Variants in NDST4 observed in about 807,000 individuals in gnomAD.
NDST4 encodes the protein N-heparan sulfate sulfotransferase 4.
NDST4 carries 63 observed loss-of-function variants against 100.8 expected under a neutral mutation model. The observed-to-expected ratio is 0.62, with a 90% CI of 0.51 to 0.77. The LOEUF is 0.77. NDST4 is among the 30% of genes least tolerant of loss of function. The pLI is 0.00. For missense variants in NDST4, 943 were observed against 1,018.4 expected, an observed-to-expected ratio of 0.93 and a Z score of 1.01; for synonymous variants, 377 against 361.8, an observed-to-expected ratio of 1.04 and a Z score of -0.48.
intron 2 of NDST4, among the ~76,000 whole-genome samples, chr4:114,984,261 C>T (rs192287255): frequency 2.3e-3 from 356 of 152,130 alleles, no homozygotes; most frequent in Admixed American, 3.5e-3. Flanking sequence ...TCACTGCAAC[C>T]TCCACCTCCC....
intron 2 of NDST4, among the ~76,000 whole-genome samples, chr4:115,019,263 T>G (rs1727755580): frequency 6.6e-6 from 1 of 152,082 alleles, no homozygotes; most frequent in Admixed American, 6.6e-5. Context: ...CAAAATATAC[T>G]ATTATAAAAA....
At chr4:115,082,381 G>A (rs535715299) in intron 1 of NDST4, among the ~76,000 whole-genome samples, 131 of 152,184 alleles carry the variant, frequency 8.6e-4, no homozygotes, top group African/African-American at 3.0e-3. Context: ...GTAATCTCTG[G>A]TAGCAGCAGA....
chr4:114,837,083 T>A (rs902193213), intron 11 of NDST4, among the ~76,000 whole-genome samples: 2 of 151,978 alleles, frequency 1.3e-5, no homozygotes, highest in Non-Finnish European at 2.9e-5. Context: ...CTCAGAGGAG[T>A]TTGTTATTAT....
intron 2 of NDST4, among the ~76,000 whole-genome samples, chr4:115,052,983 T>C (rs1252014864): frequency 6.6e-6 from 1 of 152,148 alleles, no homozygotes; most frequent in Non-Finnish European, 1.5e-5. Context: ...TAACAATACT[T>C]TTTTCTCAAA....
chr4:114,975,183 A>G (rs894226989), intron 3 of NDST4, among the ~76,000 whole-genome samples: 7 of 152,156 alleles, frequency 4.6e-5, no homozygotes, highest in African/African-American at 1.7e-4. Flanking sequence ...CCCTGAGTGC[A>G]TTAATAAGTA....
intron 6 of NDST4, among the ~76,000 whole-genome samples, chr4:114,918,102 A>C (rs563380744): frequency 1.3e-5 from 2 of 152,234 alleles, no homozygotes; most frequent in South Asian, 4.1e-4. Flanking sequence ...ATCTTTTCCT[A>C]ATGTTAGACA....
At chr4:115,007,218 T>A (rs906824348) in intron 2 of NDST4, among the ~76,000 whole-genome samples, 5 of 152,156 alleles carry the variant, frequency 3.3e-5, no homozygotes, top group Non-Finnish European at 5.9e-5. Flanking sequence ...ACATACATGA[T>A]AATTGAGGCA....
intron 6 of NDST4, among the ~76,000 whole-genome samples, chr4:114,913,502 T>A (rs1160028684): frequency 6.6e-6 from 1 of 152,064 alleles, no homozygotes. Flanking sequence ...TATCTGCCTA[T>A]TTTGAAAAAC....
intron 2 of NDST4, among the ~76,000 whole-genome samples, chr4:115,055,005 A>T (rs562572880): frequency 6.6e-6 from 1 of 152,242 alleles, no homozygotes; most frequent in Non-Finnish European, 1.5e-5. Context: ...CTGTGTTTAC[A>T]GCTGCTCCCA....
At chr4:115,030,500 AAC>A (rs1387634138) in intron 2 of NDST4, among the ~76,000 whole-genome samples, 1 of 152,136 alleles carries the variant, frequency 6.6e-6, no homozygotes, top group Non-Finnish European at 1.5e-5. Flanking sequence ...AAGTCACAGC[AAC>A]TGGGTCATCC....
chr4:114,923,065 C>G (rs140510099), intron 6 of NDST4, among the ~76,000 whole-genome samples: 19 of 152,246 alleles, frequency 1.2e-4, no homozygotes, highest in African/African-American at 4.1e-4. Flanking sequence ...GCATAAGAAG[C>G]TATACATACC....
At position 114,870,687 on chromosome 4, in the gene NDST4, G is replaced by T. The variant is rs1578355087; in HGVS notation, c.1719+81C>A. The T allele has an allele frequency of 3.3e-6, 4 of 1,199,608 alleles. No individual in the cohort carries two copies. In the East Asian group the frequency reaches 7.5e-5, roughly 23 times the overall value. 74.3% of individuals were successfully genotyped at this position (1,199,608 alleles called of 1,614,324 possible). The stretch of plus-strand genomic sequence containing the variant: ...TTAAATTCCAGTTTTAATATGTCCA[G>T]CAGAGTGCCTAACACAAATTATACA... On this transcript the variant is annotated intron_variant, in intron 7 of 13. Transcript: ENST00000264363.
chr4:114,913,744 A>C (rs997277147), intron 6 of NDST4, among the ~76,000 whole-genome samples: 9 of 145,768 alleles, frequency 6.2e-5, no homozygotes, highest in African/African-American at 7.6e-5. Flanking sequence ...AAAAAAAAAA[A>C]AAAAAACACT....
chr4:115,041,199 A>G (rs1258040749), intron 2 of NDST4, among the ~76,000 whole-genome samples: 1 of 152,072 alleles, frequency 6.6e-6, no homozygotes, highest in African/African-American at 2.4e-5. Flanking sequence ...AGAAGACAAG[A>G]TAACTCCCTT....
chr4:114,917,590 C>T (rs1225304208), intron 6 of NDST4, among the ~76,000 whole-genome samples: 1 of 152,012 alleles, frequency 6.6e-6, no homozygotes, highest in East Asian at 1.9e-4. Context: ...CCAGGCTAGG[C>T]AACATAGTGA....
chr4:115,105,561 G>T (rs1163140427), intron 1 of NDST4, among the ~76,000 whole-genome samples: 2 of 152,100 alleles, frequency 1.3e-5, no homozygotes, highest in South Asian at 2.1e-4. Flanking sequence ...GGTGGGCCAA[G>T]TGCTCATTCT....
intron 6 of NDST4, among the ~76,000 whole-genome samples, chr4:114,921,117 A>T (rs1725277384): frequency 6.6e-6 from 1 of 152,176 alleles, no homozygotes; most frequent in African/African-American, 2.4e-5. Context: ...TTAATACAAA[A>T]ATTAAAACAC....
intron 2 of NDST4, among the ~76,000 whole-genome samples, chr4:115,001,156 G>A (rs1727281385): frequency 6.6e-6 from 1 of 152,030 alleles, no homozygotes; most frequent in South Asian, 2.1e-4. Flanking sequence ...TTGTTAGAGT[G>A]ATCACTTTTG....
chr4:114,958,116 C>T (rs1726179201), intron 4 of NDST4, among the ~76,000 whole-genome samples: 1 of 152,216 alleles, frequency 6.6e-6, no homozygotes, highest in Admixed American at 6.5e-5. Flanking sequence ...GGGGCTCCCA[C>T]CTCACATTTC....
Sources: gnomAD v4.1 joint callset for allele counts (sites outside exome capture counted in the v4.1 genomes callset) on GRCh38, gnomAD v4.1.1 for gene constraint, MANE v1.5 for transcripts, NCBI Gene and HGNC (gene_info 2026-07-23, HGNC 2026-07-21) for gene names.